Variants in EHMT1 observed in about 807,000 individuals in gnomAD.
EHMT1 encodes the protein euchromatic histone lysine methyltransferase 1, also known as histone-lysine N-methyltransferase EHMT1.
EHMT1 carries 15 observed loss-of-function variants against 147.2 expected under a neutral mutation model. The observed-to-expected ratio is 0.10, with a 90% CI of 0.07 to 0.16. The LOEUF is 0.16. EHMT1 is among the 10% of genes least tolerant of loss of function. EHMT1 has a pLI of 1.00. For synonymous variants in EHMT1, 795 were observed against 709.6 expected (o/e 1.12, Z -1.91); for missense variants, 1,587 against 1,772.4 (o/e 0.90, Z 1.88).
At chr9:137,743,683 G>T (rs1453700761) in intron 5 of EHMT1, among the ~76,000 whole-genome samples, 155 bp downstream of exon 5, 1 of 152,164 alleles carries the variant, frequency 6.6e-6, no homozygotes, top group Non-Finnish European at 1.5e-5. Context: ...TCGTGTCCAA[G>T]ATCATTGTGG....
intron 14 of EHMT1, among the ~76,000 whole-genome samples, chr9:137,780,421 G>A (rs1219946149): frequency 7.2e-6 from 1 of 139,000 alleles, no homozygotes; most frequent in East Asian, 2.3e-4. Flanking sequence ...GATGTGTGGT[G>A]ATGACGCTGA....
rs56775362 is a variant in EHMT1 at position 137,671,102 on chromosome 9, C to G, written c.22-39865C>G. On this transcript the variant is annotated intron_variant, in intron 1 of 26. Coordinates refer to ENST00000460843, the MANE Select transcript of EHMT1 (RefSeq NM_024757.5). ...CCTTCCAGGGCCACCGTGTGCTTGA[C>G]TTACAGATTAGTGAGGGTGTCTTGC... Among the ~76,000 whole-genome samples, 612 of 152,320 alleles carry G rather than the reference C, an allele frequency of 4.0e-3. 2 individuals are homozygous for G. The highest frequency in any genetic ancestry group is 0.014 in the African/African-American group (592 of 41,566).
chr9:137,834,741 G>T, intron 26 of EHMT1, 32 bp from the exon 27 acceptor site: 1 of 1,613,294 alleles, frequency 6.2e-7, no homozygotes, highest in Non-Finnish European at 8.5e-7. Flanking sequence ...GGTGGGATTC[G>T]ACTTGGAGCC....
At chr9:137,658,267 C>T (rs1169992869) in intron 1 of EHMT1, among the ~76,000 whole-genome samples, 1 of 152,150 alleles carries the variant, frequency 6.6e-6, no homozygotes, top group East Asian at 1.9e-4. Context: ...TCTTGTGCCT[C>T]AGCCTCCTGA....
chr9:137,643,580 C>T (rs1844664394), intron 1 of EHMT1, among the ~76,000 whole-genome samples: 2 of 151,862 alleles, frequency 1.3e-5, no homozygotes, highest in African/African-American at 2.4e-5. Flanking sequence ...GATCTCCTGA[C>T]CTCGTGATCT....
At chr9:137,754,665 A>G (rs1255966291) in intron 8 of EHMT1, among the ~76,000 whole-genome samples, 1 of 152,108 alleles carries the variant, frequency 6.6e-6, no homozygotes, top group East Asian at 1.9e-4. Context: ...GGCGTGTGCC[A>G]TCATGCCCAG....
rs962468518 is a variant in EHMT1 at position 137,752,407 on chromosome 9, T to G, written c.1247T>G (p.Leu416Arg). 1.9e-6 allele frequency: 3 copies of G among 1,613,774 alleles called. No homozygotes were observed. Among genetic ancestry groups the G allele is most frequent in the South Asian group, 1.1e-5 (1 of 90,912 alleles). The change falls in exon 7 of 27, where the codon CTG (leucine) becomes CGG (arginine). Residue 416 changes from leucine (L) to arginine (R), a missense_variant and splice_region_variant. By Grantham distance (102) the Leu-to-Arg change is moderately radical. Around this residue, in one of 7 missense-constraint regions of EHMT1, gnomAD observed 810 missense variants for 673.0 expected, o/e 1.20. Coordinates refer to ENST00000460843, the MANE Select transcript of EHMT1 (RefSeq NM_024757.5). ...GAGGAAGGCGGTGACGAGTCTGACCTGGTAATGCCCAGCGCCTCCTCCTGC... is the reference window on the plus strand; with the variant it reads ...GAGGAAGGCGGTGACGAGTCTGACCGGGTAATGCCCAGCGCCTCCTCCTGC... Reference protein sequence around the residue: ...EEEEGGDESDLSSESSIKKKF... With the variant: ...EEEEGGDESDRSSESSIKKKF...
intron 1 of EHMT1, among the ~76,000 whole-genome samples, chr9:137,698,646 G>A (rs1943588652): frequency 6.6e-6 from 1 of 152,106 alleles, no homozygotes; most frequent in South Asian, 2.1e-4. Flanking sequence ...TCTGTTTCAG[G>A]GTCAGGCAGG....
intron 1 of EHMT1, among the ~76,000 whole-genome samples, chr9:137,648,260 C>G (rs1845048040): frequency 6.6e-6 from 1 of 151,956 alleles, no homozygotes; most frequent in African/African-American, 2.4e-5. Flanking sequence ...AATCTGAACA[C>G]CTAGATGAAA....
chr9:137,694,702 G>A (rs1461813772), intron 1 of EHMT1, among the ~76,000 whole-genome samples: 1 of 152,214 alleles, frequency 6.6e-6, no homozygotes, highest in Non-Finnish European at 1.5e-5. Context: ...CAACCATGGT[G>A]GAGACGCGCC....
intron 1 of EHMT1, among the ~76,000 whole-genome samples, chr9:137,660,847 A>T (rs1434027782): frequency 2.6e-5 from 4 of 152,190 alleles, no homozygotes; most frequent in Non-Finnish European, 1.5e-5. Flanking sequence ...TACAGCAGCT[A>T]ATTGTTTACT....
intron 10 of EHMT1, among the ~76,000 whole-genome samples, chr9:137,772,116 G>A (rs948405396): frequency 6.6e-6 from 1 of 152,030 alleles, no homozygotes; most frequent in African/African-American, 2.4e-5. Context: ...TGGTTCTAAG[G>A]TTATATGAAG....
chr9:137,817,616 C>T, intron 24 of EHMT1, 91 bp downstream of exon 24: 6 of 1,527,126 alleles, frequency 3.9e-6, no homozygotes, highest in African/African-American at 1.4e-5. Flanking sequence ...CCTCTGGGAG[C>T]AGGCACATCC....
intron 1 of EHMT1, among the ~76,000 whole-genome samples, chr9:137,637,156 C>T (rs928072326): frequency 1.3e-5 from 2 of 151,484 alleles, no homozygotes; most frequent in Non-Finnish European, 2.9e-5. Context: ...CTCCACCTCC[C>T]AAAGTGCTGG....
intron 1 of EHMT1, among the ~76,000 whole-genome samples, chr9:137,658,572 GTTT>G (rs1010264497): frequency 6.7e-6 from 1 of 148,238 alleles, no homozygotes; most frequent in Non-Finnish European, 1.5e-5. Context: ...ATTATCTTTT[GTTT>G]TTTTTTAATG....
intron 25 of EHMT1, among the ~76,000 whole-genome samples, chr9:137,824,641 G>C (rs943793171): frequency 1.3e-5 from 2 of 152,158 alleles, no homozygotes; most frequent in African/African-American, 4.8e-5. Context: ...AGCTGTCTTT[G>C]AGTTTGATAT....
chr9:137,687,261 G>T (rs1424086176), intron 1 of EHMT1, among the ~76,000 whole-genome samples: 3 of 149,958 alleles, frequency 2.0e-5, no homozygotes, highest in East Asian at 3.8e-4. Flanking sequence ...GAGTCCTCCA[G>T]CTGTATCCTT....
chr9:137,815,732 G>T (rs1954866817), intron 22 of EHMT1: 1 of 603,144 alleles, frequency 1.7e-6, no homozygotes, highest in Non-Finnish European at 3.0e-6. Flanking sequence ...GCGCTCCAGG[G>T]GGTCTCCACA....
intron 2 of EHMT1, 59 bp downstream of exon 2, chr9:137,711,089 G>C: frequency 6.6e-7 from 1 of 1,515,852 alleles, no homozygotes; most frequent in Admixed American, 2.0e-5. Context: ...TAGAAAACCT[G>C]CTGCTCTTCC....
Sources: gnomAD v4.1 joint callset for allele counts (sites outside exome capture counted in the v4.1 genomes callset) on GRCh38, gnomAD v4.1.1 for gene constraint, gnomAD v4.1.1 regional missense constraint, MANE v1.5 for transcripts, NCBI Gene and HGNC (gene_info 2026-07-23, HGNC 2026-07-21) for gene names.